The following ELAVL2 variants were observed in gnomAD, a reference collection of about 807,000 sequenced individuals.
ELAVL2 encodes the protein ELAV-like protein 2.
In ELAVL2, 4 loss-of-function variants were observed where a neutral mutation model predicts 34.6. The ratio of observed to expected loss-of-function variants is 0.12; its 90% confidence interval spans 0.06 to 0.26. The LOEUF (loss-of-function observed/expected upper bound fraction) is 0.26. Ranked by LOEUF, ELAVL2 falls within the 10% of genes least tolerant of loss-of-function variation. The pLI is 1.00. For missense variants in ELAVL2, 432 were observed against 442.8 expected (o/e 0.98, Z 0.22); for synonymous variants, 193 against 154.8 (o/e 1.25, Z -1.83).
intron 5 of ELAVL2, among the ~76,000 whole-genome samples, chr9:23,700,713 G>A (rs571191433): frequency 6.6e-6 from 1 of 152,320 alleles, no homozygotes; most frequent in South Asian, 2.1e-4. Context: ...TACAGAGAAA[G>A]TCTGCCAACC....
chr9:23,773,580 A>G (rs536194774), intron 1 of ELAVL2, among the ~76,000 whole-genome samples: 1 of 152,314 alleles, frequency 6.6e-6, no homozygotes, highest in African/African-American at 2.4e-5. Flanking sequence ...ACCTGTATAT[A>G]CATTATACAC....
intron 3 of ELAVL2, among the ~76,000 whole-genome samples, chr9:23,715,065 G>T (rs1206961123): frequency 6.6e-6 from 1 of 152,144 alleles, no homozygotes; most frequent in Admixed American, 6.5e-5. Flanking sequence ...AGGGAGGGTT[G>T]AAACTAAGTC....
intron 2 of ELAVL2, among the ~76,000 whole-genome samples, chr9:23,741,298 G>A (rs2049111989): frequency 6.6e-6 from 1 of 152,170 alleles, no homozygotes; most frequent in Non-Finnish European, 1.5e-5. Context: ...CATCCTGGAA[G>A]CAAGACTGGC....
chr9:23,838,609 A>G, the ELAVL2 span, among the ~76,000 whole-genome samples: 1 of 152,146 alleles, frequency 6.6e-6, no homozygotes, highest in African/African-American at 2.4e-5. Flanking sequence ...TTAATTATAT[A>G]CAATAACATA....
chr9:23,705,974 A>C (rs2039209569), intron 3 of ELAVL2, among the ~76,000 whole-genome samples: 1 of 145,988 alleles, frequency 6.8e-6, no homozygotes, highest in African/African-American at 2.5e-5. Context: ...TACATTTCTA[A>C]AAAAAAATTC....
At chr9:23,843,456 G>A in the ELAVL2 span, among the ~76,000 whole-genome samples, 1 of 152,018 alleles carries the variant, frequency 6.6e-6, no homozygotes, top group Non-Finnish European at 1.5e-5. Context: ...AGGAGTTTAA[G>A]AAACAAATTT....
chr9:23,766,877 T>C (rs2056379667), intron 1 of ELAVL2, among the ~76,000 whole-genome samples: 2 of 152,022 alleles, frequency 1.3e-5, no homozygotes, highest in South Asian at 4.2e-4. Flanking sequence ...TAGATTCCAC[T>C]GGCTCTGAAA....
chr9:23,818,200 G>T (rs1588808951), intron 1 of ELAVL2, among the ~76,000 whole-genome samples: 1 of 152,146 alleles, frequency 6.6e-6, no homozygotes, highest in African/African-American at 2.4e-5. Flanking sequence ...TAGTGAATTT[G>T]ATAGTCAGGT....
chr9:23,841,171 C>T, the ELAVL2 span, among the ~76,000 whole-genome samples: 1 of 152,166 alleles, frequency 6.6e-6, no homozygotes, highest in South Asian at 2.1e-4. Context: ...GTAGAGGTGG[C>T]AGCGTAAGCC....
At chr9:23,706,727 A>T (rs1479183769) in intron 3 of ELAVL2, among the ~76,000 whole-genome samples, 1 of 152,200 alleles carries the variant, frequency 6.6e-6, no homozygotes, top group Non-Finnish European at 1.5e-5. Flanking sequence ...CCCACCTTTA[A>T]TCCAGTTAAC....
At chr9:23,754,342 AAGC>A (rs1475755809) in intron 2 of ELAVL2, among the ~76,000 whole-genome samples, 5 of 152,164 alleles carry the variant, frequency 3.3e-5, no homozygotes, top group African/African-American at 1.2e-4. Context: ...TTATCTAAAG[AAGC>A]AGCTCTTTGA....
chr9:23,816,151 T>G (rs2063671851), intron 1 of ELAVL2, among the ~76,000 whole-genome samples: 1 of 152,066 alleles, frequency 6.6e-6, no homozygotes, highest in South Asian at 2.1e-4. Context: ...TACAGCTTTC[T>G]TCAAATGCTT....
chr9:23,769,020 C>G (rs1308526405), intron 1 of ELAVL2, among the ~76,000 whole-genome samples: 1 of 150,142 alleles, frequency 6.7e-6, no homozygotes, highest in Non-Finnish European at 1.5e-5. Flanking sequence ...TGAACTTGGT[C>G]TCTACACTTA....
intron 1 of ELAVL2, among the ~76,000 whole-genome samples, chr9:23,812,106 G>C (rs990183299): frequency 6.6e-6 from 1 of 152,026 alleles, no homozygotes; most frequent in African/African-American, 2.4e-5. Context: ...TTAAATGCAA[G>C]AGTGGGGAGT....
At chr9:23,697,837 G>T (rs1297543073) in intron 5 of ELAVL2, among the ~76,000 whole-genome samples, 3 of 152,080 alleles carry the variant, frequency 2.0e-5, no homozygotes, top group African/African-American at 7.2e-5. Flanking sequence ...TGATGGGTAA[G>T]AAAATATACT....
chr9:23,837,871 A>G, the ELAVL2 span, among the ~76,000 whole-genome samples: 2 of 152,112 alleles, frequency 1.3e-5, no homozygotes, highest in Non-Finnish European at 2.9e-5. Flanking sequence ...AGAGAGAGAA[A>G]ATTTATAGTT....
intron 3 of ELAVL2, among the ~76,000 whole-genome samples, chr9:23,706,837 CCACT>C (rs2039485151): frequency 6.6e-6 from 1 of 152,172 alleles, no homozygotes; most frequent in Non-Finnish European, 1.5e-5. Context: ...CTCTCTGTTG[CCACT>C]TTTTCTTGGC....
At position 23,707,855 on chromosome 9, in the gene ELAVL2, G is replaced by C. The variant is rs184570601; in HGVS notation, c.334-2784C>G. Among the ~76,000 whole-genome samples, 500 of 152,270 alleles carry C rather than the reference G, an allele frequency of 3.3e-3. 2 individuals carry two copies. Among genetic ancestry groups the C allele is most frequent in the Middle Eastern group, 6.8e-3 (2 of 294 alleles). Reference sequence around the variant, plus strand: ...TTAGGTAAATGCCCAGCCCCTTAAAGTAGAGAGAAACCTGGGTCCATTACA... The same window carrying C: ...TTAGGTAAATGCCCAGCCCCTTAAACTAGAGAGAAACCTGGGTCCATTACA... On this transcript the variant is annotated intron_variant, in intron 3 of 6. Coordinates refer to ENST00000397312, the MANE Select transcript of ELAVL2 (RefSeq NM_004432.5).
chr9:23,833,349 C>T, the ELAVL2 span, among the ~76,000 whole-genome samples: 1 of 151,700 alleles, frequency 6.6e-6, no homozygotes, highest in Non-Finnish European at 1.5e-5. Flanking sequence ...TAATAAGCCC[C>T]TTAAGCTATG....
Sources: allele counts gnomAD v4.1 joint callset (sites outside exome capture counted in the v4.1 genomes callset), GRCh38; gene constraint gnomAD v4.1.1; transcripts MANE v1.5; gene names NCBI Gene and HGNC (gene_info 2026-07-23, HGNC 2026-07-21).